DNAH6: variants seen among roughly 807,000 people sequenced by gnomAD.
DNAH6 encodes dynein axonemal heavy chain 6.
A neutral mutation model predicts 491.4 loss-of-function variants in DNAH6; 340 were observed. That is an observed-to-expected ratio of 0.69 (90% CI 0.63 to 0.76). The LOEUF (loss-of-function observed/expected upper bound fraction) is 0.76, where lower values mean the gene tolerates loss of function less well. Among genes scored for constraint, DNAH6 ranks in the 30% least tolerant of loss-of-function variants. The pLI is 0.00. For synonymous variants in DNAH6, 1,603 were observed against 1,686.1 expected, an observed-to-expected ratio of 0.95 and a Z score of 1.21; for missense variants, 4,443 against 4,972.2, an observed-to-expected ratio of 0.89 and a Z score of 3.20.
chr2:84,800,034 G>A (rs1395321034), intron 70 of DNAH6, among the ~76,000 whole-genome samples: 3 of 152,118 alleles, frequency 2.0e-5, no homozygotes, highest in African/African-American at 7.2e-5. Flanking sequence ...CTATGTGCTG[G>A]CTCTTTTAAG....
intron 3 of DNAH6, among the ~76,000 whole-genome samples, chr2:84,528,702 A>T (rs1479934904): frequency 6.6e-6 from 1 of 152,148 alleles, no homozygotes; most frequent in Non-Finnish European, 1.5e-5. Context: ...TGGTAAAAGG[A>T]TGCGTATCTG....
chr2:84,647,581 C>T (rs974169525), intron 33 of DNAH6, among the ~76,000 whole-genome samples: 1 of 152,190 alleles, frequency 6.6e-6, no homozygotes, highest in Non-Finnish European at 1.5e-5. Flanking sequence ...ACTAAATCTA[C>T]TCTACCTGTG....
In DNAH6 at chr2:84,720,500, G is replaced by C. The variant is rs560336918; in HGVS notation, c.9792+2116G>C. 2.4e-4 allele frequency among the ~76,000 whole-genome samples: 36 copies of C among 151,548 alleles called. 1 individual carries two copies. The East Asian group carries it at 6.3e-3, about 26-fold the overall frequency. On this transcript the variant is annotated intron_variant, in intron 59 of 76. Coordinates refer to ENST00000389394, the MANE Select transcript of DNAH6 (RefSeq NM_001370.2). ...TCACCGTTTTAGCTGGGATGGTCTTGATCTCCTGACCTCGTGATCCGCCCG... is the reference window on the plus strand; with the variant it reads ...TCACCGTTTTAGCTGGGATGGTCTTCATCTCCTGACCTCGTGATCCGCCCG...
At chr2:84,716,270 A>G (rs1481775456) in intron 58 of DNAH6, among the ~76,000 whole-genome samples, 1 of 151,156 alleles carries the variant, frequency 6.6e-6, no homozygotes, top group Admixed American at 6.6e-5. Flanking sequence ...GAATTAGCCA[A>G]GAGGTTCATG....
chr2:84,725,266 G>T (rs1193212006), intron 60 of DNAH6, among the ~76,000 whole-genome samples: 1 of 152,130 alleles, frequency 6.6e-6, no homozygotes, highest in African/African-American at 2.4e-5. Flanking sequence ...TAGTACCCTC[G>T]ATAATGGTTG....
At position 84,699,612 on chromosome 2, in the gene DNAH6, A is replaced by T; in HGVS notation, c.7696A>T (p.Ser2566Cys). 6.5e-7 allele frequency: 1 copy of T among 1,549,956 alleles called. No homozygotes were observed. The highest frequency in any genetic ancestry group is 8.7e-7 in the Non-Finnish European group (1 of 1,146,498). The change falls in exon 48 of 77, where the codon AGC becomes TGC. Residue 2566 changes from serine (S) to cysteine (C), a missense_variant. Transcript: ENST00000389394. ...NRDEVFQYFI[S>C]KVRQKLHIVL... The stretch of plus-strand genomic sequence containing the variant: ...TTGTCAGGTGTTTCAATACTTTATC[A>T]GCAAAGTGCGTCAGAAGCTGCACAT...
chr2:84,577,225 A>G, intron 12 of DNAH6, 32 bp from the exon 13 acceptor site: 1 of 1,414,232 alleles, frequency 7.1e-7, no homozygotes, highest in Non-Finnish European at 9.6e-7. Context: ...AATATGGTAT[A>G]TTTTATGCTT....
At chr2:84,712,489 C>T (rs1697138424) in intron 56 of DNAH6, among the ~76,000 whole-genome samples, 1 of 152,226 alleles carries the variant, frequency 6.6e-6, no homozygotes, top group Non-Finnish European at 1.5e-5. Flanking sequence ...AAAGGCATAA[C>T]TATCATGTAG....
intron 68 of DNAH6, among the ~76,000 whole-genome samples, chr2:84,791,217 AACAC>A (rs1327502140): frequency 6.6e-6 from 1 of 151,840 alleles, no homozygotes; most frequent in African/African-American, 2.4e-5. Context: ...AGAAAAAAAA[AACAC>A]ACACAAAAAC....
intron 11 of DNAH6, among the ~76,000 whole-genome samples, chr2:84,562,456 A>C (rs1477470190): frequency 6.6e-6 from 1 of 152,198 alleles, no homozygotes; most frequent in Non-Finnish European, 1.5e-5. Flanking sequence ...TGATTCAAAA[A>C]GGTTAAAAAT....
chr2:84,533,402 G>A (rs1227103908), intron 4 of DNAH6, among the ~76,000 whole-genome samples: 1 of 152,020 alleles, frequency 6.6e-6, no homozygotes, highest in Non-Finnish European at 1.5e-5. Flanking sequence ...ATGATTTTAG[G>A]GGGCTTGCTC....
At position 84,624,897 on chromosome 2, in the gene DNAH6, T is replaced by A; in HGVS notation, c.4354-5T>A. 6.5e-7 allele frequency: 1 copy of A among 1,544,654 alleles called. No individual in the cohort carries two copies. Among genetic ancestry groups the A allele is most frequent in the Non-Finnish European group, 8.7e-7 (1 of 1,144,178 alleles). On this transcript the variant is annotated splice_polypyrimidine_tract_variant and splice_region_variant and intron_variant, in intron 28 of 76. Transcript: ENST00000389394. ...TTCATATTGATAATGCATTGCTTTCTTCAGGATCGCTGCTATCTTTGCCTC... is the reference window on the plus strand; with the variant it reads ...TTCATATTGATAATGCATTGCTTTCATCAGGATCGCTGCTATCTTTGCCTC...
chr2:84,531,933 A>G (rs1425686973), intron 4 of DNAH6, among the ~76,000 whole-genome samples: 1 of 152,092 alleles, frequency 6.6e-6, no homozygotes, highest in African/African-American at 2.4e-5. Flanking sequence ...TCTTAAGTGG[A>G]AACTGATGGA....
At position 84,705,588 on chromosome 2, in the gene DNAH6, G is replaced by A. The variant is rs2104845907; in HGVS notation, c.8568G>A (p.Lys2856=). 1 of 1,551,594 alleles carries A rather than the reference G, an allele frequency of 6.4e-7. No individual in the cohort carries two copies. The highest frequency in any genetic ancestry group is 8.7e-7 in the Non-Finnish European group (1 of 1,146,980). The change falls in exon 52 of 77, where the codon AAG becomes AAA. Residue 2856 remains lysine, a synonymous_variant. Transcript: ENST00000389394. The part of the protein sequence containing the change: ...KENIKPQILA[K]LQKYINNPDF... ...ACATAAAGCCTCAGATATTGGCAAA[G>A]CTTCAAAAGTATATTAATAATCCTG...
At chr2:84,795,528 A>G (rs977311859) in intron 68 of DNAH6, among the ~76,000 whole-genome samples, 3 of 152,216 alleles carry the variant, frequency 2.0e-5, no homozygotes, top group Non-Finnish European at 4.4e-5. Flanking sequence ...TCCTGACATG[A>G]TGGAAGAAAT....
chr2:84,464,064 A>T, the DNAH6 span, among the ~76,000 whole-genome samples: 1 of 152,120 alleles, frequency 6.6e-6, no homozygotes, highest in Non-Finnish European at 1.5e-5. Flanking sequence ...TGCTAGGGTG[A>T]GGTGGATGTA....
chr2:84,813,720 C>G (rs1680221553), intron 74 of DNAH6, among the ~76,000 whole-genome samples: 1 of 152,186 alleles, frequency 6.6e-6, no homozygotes, highest in Admixed American at 6.5e-5. Context: ...GGGCAATGCA[C>G]TGAACACTGG....
In DNAH6 at chr2:84,688,567, C is replaced by A; in HGVS notation, c.7266C>A (p.Phe2422Leu). The change falls in exon 45 of 77, where the codon TTC becomes TTA. Residue 2422 changes from phenylalanine (F) to leucine (L), a missense_variant. Physicochemically the swap from Phe to Leu is conservative, Grantham distance 22. Around this residue, in one of 3 missense-constraint regions of DNAH6, gnomAD observed 2,977 missense variants for 3,296.6 expected, o/e 0.90. Transcript: ENST00000389394. ...TNPKEVKLVF[F>L]QDAIEHVSRI... ...CCAAAGAAGTAAAGTTGGTGTTCTTCCAGGATGCTATAGAACATGTTTCAA... is the reference window on the plus strand; with the variant it reads ...CCAAAGAAGTAAAGTTGGTGTTCTTACAGGATGCTATAGAACATGTTTCAA... The A allele has an allele frequency of 6.5e-7, 1 of 1,543,570 alleles. No homozygotes were observed. Among genetic ancestry groups the A allele is most frequent in the East Asian group, 2.5e-5 (1 of 40,554 alleles).
intron 11 of DNAH6, among the ~76,000 whole-genome samples, chr2:84,558,967 C>G (rs1680360256): frequency 6.6e-6 from 1 of 152,172 alleles, no homozygotes. Context: ...ATTTGTCAGT[C>G]ATAAATATCC....
Sources: gnomAD v4.1 joint callset for allele counts (sites outside exome capture counted in the v4.1 genomes callset) on GRCh38, gnomAD v4.1.1 for gene constraint, gnomAD v4.1.1 regional missense constraint, MANE v1.5 for transcripts, NCBI Gene and HGNC (gene_info 2026-07-23, HGNC 2026-07-21) for gene names.